The following SLIT3 variants were observed in gnomAD, a reference collection of about 807,000 sequenced individuals.
SLIT3 encodes the protein slit homolog 3 protein.
In SLIT3, 68 loss-of-function variants were observed where a neutral mutation model predicts 184.0. The ratio of observed to expected loss-of-function variants is 0.37; its 90% CI spans 0.30 to 0.45. SLIT3 has a LOEUF of 0.45. Ranked by LOEUF, SLIT3 falls within the 20% of genes least tolerant of loss-of-function variation. The pLI is 1.00. For synonymous variants in SLIT3, 831 were observed against 828.6 expected (o/e 1.00, Z -0.05); for missense variants, 1,707 against 2,026.0 (o/e 0.84, Z 3.02).
intron 27 of SLIT3, among the ~76,000 whole-genome samples, chr5:168,699,362 C>T (rs1309862879): frequency 6.6e-6 from 1 of 152,240 alleles, no homozygotes; most frequent in South Asian, 2.1e-4. Context: ...CTAAGACACC[C>T]ACACATGGCT....
intron 8 of SLIT3, among the ~76,000 whole-genome samples, chr5:168,813,039 G>A (rs540995004): frequency 1.2e-4 from 19 of 152,266 alleles, no homozygotes; most frequent in African/African-American, 4.3e-4. Flanking sequence ...AGTGTACGAC[G>A]TGGCCCCTCA....
At chr5:168,687,976 GACA>G (rs899400920) in intron 29 of SLIT3, among the ~76,000 whole-genome samples, 2 of 152,170 alleles carry the variant, frequency 1.3e-5, no homozygotes, top group African/African-American at 4.8e-5. Flanking sequence ...GCCCCTTCTA[GACA>G]AGGTTTAAAA....
chr5:168,693,724 A>T (rs1377892280), intron 28 of SLIT3, among the ~76,000 whole-genome samples: 1 of 152,096 alleles, frequency 6.6e-6, no homozygotes, highest in Non-Finnish European at 1.5e-5. Context: ...GTAGGTCCAG[A>T]GGGCTGGCTG....
At position 168,696,383 on chromosome 5, in the gene SLIT3, T is replaced by A; in HGVS notation, c.2991A>T (p.Pro997=). The A allele has an allele frequency of 6.2e-7, 1 of 1,614,188 alleles. No individual in the cohort carries two copies. The change falls in exon 28 of 36, where the codon CCA becomes CCT. Residue 997 remains proline, a synonymous_variant. Transcript: ENST00000519560. ...CGCAGTCGTTGTCCTCACAGTCATC[T>A]GGGTTGATCTCACACCGCTGCCCCT... The part of the protein sequence containing the change: ...GFEGQRCEIN[P]DDCEDNDCEN...
chr5:169,170,439 A>G (rs1007829168), intron 4 of SLIT3, among the ~76,000 whole-genome samples: 3 of 152,156 alleles, frequency 2.0e-5, no homozygotes, highest in South Asian at 2.1e-4. Context: ...TCAGCAGCCA[A>G]TTGTTGGTCC....
intron 4 of SLIT3, among the ~76,000 whole-genome samples, chr5:168,969,669 C>A (rs912986757): frequency 3.3e-5 from 5 of 152,156 alleles, no homozygotes; most frequent in African/African-American, 1.2e-4. Context: ...TAGGAGCTGA[C>A]AGCTTGATAA....
rs1756961072 is a variant in SLIT3, at chr5:168,806,450, C to T, written c.931G>A (p.Glu311Lys). 1.2e-6 allele frequency: 2 copies of T among 1,614,154 alleles called. No individual in the cohort carries two copies. The highest frequency in any genetic ancestry group is 1.1e-5 in the South Asian group (1 of 91,066). ...GTGTCAGACAGGTGCACTTACATTT[C>T]GACGATGCCCTCCGGCAAGTTGGCA... Reference protein sequence around the residue: ...IPANLPEGIVEIRLEQNSIKA... With the variant: ...IPANLPEGIVKIRLEQNSIKA... Residue 311 changes from glutamate to lysine, a missense_variant, in exon 9 of 36, where the codon GAA (glutamate) becomes AAA (lysine). By Grantham distance (56) the Glu-to-Lys change is moderately conservative (BLOSUM62 1). Around this residue, in one of 3 missense-constraint regions of SLIT3, gnomAD observed 1,307 missense variants for 1,511.6 expected, o/e 0.86. Transcript: ENST00000519560.
At chr5:169,218,151 T>C (rs1764509276) in intron 3 of SLIT3, among the ~76,000 whole-genome samples, 1 of 152,212 alleles carries the variant, frequency 6.6e-6, no homozygotes, top group South Asian at 2.1e-4. Context: ...AAGGACTGTT[T>C]GTACCAGCTG....
intron 4 of SLIT3, among the ~76,000 whole-genome samples, chr5:168,974,251 A>C (rs1338361368): frequency 6.6e-6 from 1 of 152,074 alleles, no homozygotes; most frequent in East Asian, 1.9e-4. Flanking sequence ...CCTGCTTCAC[A>C]CTCTACTGAA....
chr5:168,785,247 A>G (rs1010438236), intron 12 of SLIT3, among the ~76,000 whole-genome samples: 1 of 152,212 alleles, frequency 6.6e-6, no homozygotes, highest in African/African-American at 2.4e-5. Context: ...AAACTATACT[A>G]TGAGCTAAAT....
intron 15 of SLIT3, among the ~76,000 whole-genome samples, chr5:168,761,354 G>A (rs1220128113): frequency 2.0e-5 from 3 of 152,062 alleles, no homozygotes; most frequent in East Asian, 1.9e-4. Context: ...GGAGCAGCTC[G>A]GGAACTTCAC....
At chr5:169,217,774 T>C (rs1045447701) in intron 3 of SLIT3, among the ~76,000 whole-genome samples, 1 of 152,198 alleles carries the variant, frequency 6.6e-6, no homozygotes, top group Non-Finnish European at 1.5e-5. Context: ...TTCCAAAGTA[T>C]ACCCACAATT....
At chr5:168,928,624 A>T (rs1761900296) in intron 4 of SLIT3, among the ~76,000 whole-genome samples, 1 of 152,220 alleles carries the variant, frequency 6.6e-6, no homozygotes, top group Non-Finnish European at 1.5e-5. Flanking sequence ...AGGAGGAAAT[A>T]CCAAAAACCT....
chr5:168,788,134 C>T (rs559716070), intron 11 of SLIT3, among the ~76,000 whole-genome samples: 23 of 152,110 alleles, frequency 1.5e-4, no homozygotes, highest in African/African-American at 5.3e-4. Flanking sequence ...CAAATCCTGG[C>T]TGAGGGAAAC....
rs141143573 is a variant in SLIT3, at chr5:168,916,334, C to G, written c.414-32998G>C. 1.1e-4 allele frequency among the ~76,000 whole-genome samples: 17 copies of G among 152,338 alleles called. No individual in the cohort carries two copies. In the East Asian group the frequency reaches 3.3e-3, roughly 29 times the overall value. On this transcript the variant is annotated intron_variant, in intron 4 of 35. Coordinates refer to ENST00000519560, the MANE Select transcript of SLIT3 (RefSeq NM_003062.4). Reference sequence around the variant, plus strand: ...TCTTAATCCAACAGAGCTTTCTCCTCTCCTCTGGAGGGAAGGCCTGGGAGA... The same window carrying G: ...TCTTAATCCAACAGAGCTTTCTCCTGTCCTCTGGAGGGAAGGCCTGGGAGA...
At chr5:168,890,483 T>C (rs1760411370) in intron 4 of SLIT3, among the ~76,000 whole-genome samples, 1 of 152,218 alleles carries the variant, frequency 6.6e-6, no homozygotes, top group Non-Finnish European at 1.5e-5. Context: ...AATAATCTTC[T>C]GATCAGATAG....
intron 3 of SLIT3, among the ~76,000 whole-genome samples, chr5:169,215,902 G>T (rs1258477914): frequency 6.6e-6 from 1 of 152,080 alleles, no homozygotes; most frequent in Non-Finnish European, 1.5e-5. Flanking sequence ...TATTTATGGA[G>T]TACCACTCTT....
intron 4 of SLIT3, among the ~76,000 whole-genome samples, chr5:168,990,930 C>T (rs1755301585): frequency 6.6e-6 from 1 of 152,202 alleles, no homozygotes; most frequent in African/African-American, 2.4e-5. Flanking sequence ...GTGCCAGACC[C>T]TGCACTAAGT....
At chr5:168,998,317 G>A (rs912618101) in intron 4 of SLIT3, among the ~76,000 whole-genome samples, 14 of 152,206 alleles carry the variant, frequency 9.2e-5, no homozygotes, top group East Asian at 1.9e-4. Flanking sequence ...TGTATGCAAG[G>A]TTGTAGGTAT....
Sources: allele counts gnomAD v4.1 joint callset (sites outside exome capture counted in the v4.1 genomes callset), GRCh38; gene constraint gnomAD v4.1.1; regional missense constraint gnomAD v4.1.1; transcripts MANE v1.5; gene names NCBI Gene and HGNC (gene_info 2026-07-23, HGNC 2026-07-21).